B3GALT1: variants seen among roughly 807,000 people sequenced by gnomAD.
The protein encoded by B3GALT1 is beta-1,3-galactosyltransferase 1.
A neutral mutation model predicts 23.2 loss-of-function variants in B3GALT1; 10 were observed. The observed-to-expected ratio is 0.43, with a 90% confidence interval of 0.27 to 0.73. The LOEUF is 0.73. Ranked by LOEUF, B3GALT1 falls within the 30% of genes least tolerant of loss-of-function variation. B3GALT1 has a pLI of 0.21. For missense variants in B3GALT1, 299 were observed against 405.4 expected (o/e 0.74, Z 2.25); for synonymous variants, 156 against 141.5 (o/e 1.10, Z -0.73).
chr2:167,558,857 G>C (rs1031243035), intron 2 of B3GALT1, among the ~76,000 whole-genome samples: 13 of 152,208 alleles, frequency 8.5e-5, no homozygotes, highest in African/African-American at 3.1e-4. Context: ...GCCTGCCTCT[G>C]TAGGCTCCAC....
intron 3 of B3GALT1, among the ~76,000 whole-genome samples, chr2:167,726,686 C>G (rs570587875): frequency 4.7e-4 from 71 of 152,326 alleles, no homozygotes; most frequent in Non-Finnish European, 1.0e-3. Flanking sequence ...TTGAGGGAAT[C>G]AAGGCCCAGA....
At chr2:167,690,935 C>A (rs1050260894) in intron 3 of B3GALT1, among the ~76,000 whole-genome samples, 23 of 152,068 alleles carry the variant, frequency 1.5e-4, no homozygotes, top group African/African-American at 5.1e-4. Context: ...GTTTTTAACT[C>A]TCTGGCTGAA....
chr2:167,611,924 T>C (rs962973481), intron 2 of B3GALT1, among the ~76,000 whole-genome samples: 1 of 152,080 alleles, frequency 6.6e-6, no homozygotes, highest in African/African-American at 2.4e-5. Context: ...ATCCATCATA[T>C]TTATTCTCCT....
Position 167,869,701 on chromosome 2 carries a change from A to G in B3GALT1, c.662A>G (p.Tyr221Cys), listed in dbSNP as rs1381426369. The change falls in exon 5 of 5, where the codon TAT becomes TGT. Residue 221 changes from tyrosine to cysteine, a missense_variant. Coordinates refer to ENST00000392690, the MANE Select transcript of B3GALT1 (RefSeq NM_020981.4). This position sits in a 1 kb window ranked among gnomAD's most constrained non-coding sequence, Gnocchi z 6.4. ...ATTCGGGATGTCCGCAGTAAGTGGT[A>G]TATGCCCAGGGATTTGTACCCAGAC... ...GPIRDVRSKW[Y>C]MPRDLYPDSN... 1 of 1,614,174 alleles carries G rather than the reference A, an allele frequency of 6.2e-7. No individual in the cohort carries two copies. The highest frequency in any genetic ancestry group is 8.5e-7 in the Non-Finnish European group (1 of 1,180,008).
At chr2:167,865,964 C>A (rs1215876990) in intron 4 of B3GALT1, among the ~76,000 whole-genome samples, 1 of 151,904 alleles carries the variant, frequency 6.6e-6, no homozygotes, top group Non-Finnish European at 1.5e-5. Flanking sequence ...AATCTCTCAA[C>A]CCACCCTCCC....
chr2:167,489,486 T>C (rs541779483), intron 1 of B3GALT1, among the ~76,000 whole-genome samples: 4 of 152,280 alleles, frequency 2.6e-5, no homozygotes, highest in Admixed American at 1.3e-4. Context: ...AGAAAATGGC[T>C]TCATTGAATT....
At chr2:167,715,863 C>T (rs1687134229) in intron 3 of B3GALT1, 2 of 1,613,876 alleles carry the variant, frequency 1.2e-6, no homozygotes, top group African/African-American at 2.7e-5. Flanking sequence ...ATAAAGCCGA[C>T]TCCTAACCGA....
At chr2:167,556,684 G>A (rs765414780) in intron 2 of B3GALT1, among the ~76,000 whole-genome samples, 1 of 152,128 alleles carries the variant, frequency 6.6e-6, no homozygotes, top group African/African-American at 2.4e-5. Flanking sequence ...GCAGTGAGTA[G>A]ACTATTCATC....
intron 1 of B3GALT1, among the ~76,000 whole-genome samples, chr2:167,383,838 T>C (rs1052539695): frequency 1.3e-5 from 2 of 152,368 alleles, no homozygotes; most frequent in East Asian, 3.9e-4. Flanking sequence ...TCAAAGTTTT[T>C]CTCAACATTT....
At chr2:167,524,174 T>G (rs1421282276) in intron 2 of B3GALT1, among the ~76,000 whole-genome samples, 1 of 152,192 alleles carries the variant, frequency 6.6e-6, no homozygotes, top group Non-Finnish European at 1.5e-5. Flanking sequence ...AATTGTATAT[T>G]GTATTTTAAG....
intron 3 of B3GALT1, among the ~76,000 whole-genome samples, chr2:167,766,116 A>G (rs1052651184): frequency 2.6e-5 from 4 of 152,194 alleles, no homozygotes; most frequent in Non-Finnish European, 4.4e-5. Flanking sequence ...GATTTTTCCA[A>G]CTACTTGGTT....
chr2:167,754,042 T>C (rs1450072982), intron 3 of B3GALT1, among the ~76,000 whole-genome samples: 2 of 152,212 alleles, frequency 1.3e-5, no homozygotes, highest in African/African-American at 4.8e-5. Context: ...AAATAATAAA[T>C]GGTTACCGTA....
intron 1 of B3GALT1, among the ~76,000 whole-genome samples, chr2:167,447,443 A>G (rs150973221): frequency 0.012 from 1,808 of 152,290 alleles, 42 homozygotes; most frequent in African/African-American, 0.042. Flanking sequence ...TTGTTCAGCT[A>G]TGCCCTGTCT....
At chr2:167,431,871 A>G (rs919095192) in intron 1 of B3GALT1, among the ~76,000 whole-genome samples, 4 of 152,208 alleles carry the variant, frequency 2.6e-5, no homozygotes, top group African/African-American at 9.7e-5. Context: ...AGAAAGTGTA[A>G]AAGTAGGAGA....
chr2:167,488,594 T>C lies in B3GALT1; in HGVS notation c.-510-1583T>C, dbSNP rs544382885. 7.2e-5 allele frequency among the ~76,000 whole-genome samples: 11 copies of C among 152,378 alleles called. No homozygotes were observed. In the South Asian group the frequency reaches 2.3e-3, roughly 32 times the overall value. ...GTCCTATTGTTTGTCTGTTTGTTTT[T>C]TAATGTAAGTACAAGTTGAGTTACA... On this transcript the variant is annotated intron_variant, in intron 1 of 4. Transcript: ENST00000392690.
intron 3 of B3GALT1, among the ~76,000 whole-genome samples, chr2:167,672,997 G>C (rs1192016263): frequency 6.6e-6 from 1 of 150,782 alleles, no homozygotes; most frequent in Non-Finnish European, 1.5e-5. Context: ...TGTGTGGGAG[G>C]GGGGTATCTG....
chr2:167,857,952 GA>G (rs568189427), intron 4 of B3GALT1, among the ~76,000 whole-genome samples: 9 of 151,594 alleles, frequency 5.9e-5, no homozygotes, highest in Non-Finnish European at 1.3e-4. Context: ...AGCCTATGAA[GA>G]AAAAAAATCA....
At chr2:167,812,978 C>CACACACA (rs1558987849) in intron 3 of B3GALT1, among the ~76,000 whole-genome samples, 7 of 121,832 alleles carry the variant, frequency 5.7e-5, no homozygotes, top group East Asian at 5.0e-4. Flanking sequence ...CACACACACA[C>CACACACA]GCACCACCAC....
At chr2:167,659,505 C>G (rs916141917) in intron 3 of B3GALT1, among the ~76,000 whole-genome samples, 1 of 152,014 alleles carries the variant, frequency 6.6e-6, no homozygotes, top group Admixed American at 6.6e-5. Flanking sequence ...TCTAGATGAT[C>G]TTTATTCCTC....
Sources: gnomAD v4.1 joint callset for allele counts (sites outside exome capture counted in the v4.1 genomes callset) on GRCh38, gnomAD v4.1.1 for gene constraint, Gnocchi (gnomAD v3.1) non-coding constraint, MANE v1.5 for transcripts, NCBI Gene and HGNC (gene_info 2026-07-23, HGNC 2026-07-21) for gene names.